Variants in ZSWIM6 observed in about 807,000 individuals in gnomAD.
ZSWIM6 encodes zinc finger SWIM-type containing 6, also known as zinc finger SWIM domain-containing protein 6.
A neutral mutation model predicts 113.2 loss-of-function variants in ZSWIM6; 9 were observed. That is an observed-to-expected ratio of 0.08 (90% CI 0.05 to 0.14). ZSWIM6 has a LOEUF of 0.14. Among genes scored for constraint, ZSWIM6 ranks in the 10% least tolerant of loss-of-function variants. ZSWIM6 has a pLI of 1.00. For synonymous variants in ZSWIM6, 611 were observed against 606.5 expected, an observed-to-expected ratio of 1.01 and a Z score of -0.11; for missense variants, 1,162 against 1,552.2, an observed-to-expected ratio of 0.75 and a Z score of 4.22.
rs550104532 is a variant in ZSWIM6 at position 61,519,961 on chromosome 5, T to C, written c.1334-1302T>C. On this transcript the variant is annotated intron_variant, in intron 4 of 13. Coordinates refer to ENST00000252744, the MANE Select transcript of ZSWIM6 (RefSeq NM_020928.2). ...TATTTGTGTTCCTATGAGAATCTAA[T>C]GCCACCGCTGATCTGACAGGAGGCA... Among the ~76,000 whole-genome samples the C allele has an allele frequency of 1.8e-4, 27 of 152,278 alleles. No homozygotes were observed. In the South Asian group the frequency reaches 4.6e-3, roughly 26 times the overall value.
intron 1 of ZSWIM6, among the ~76,000 whole-genome samples, chr5:61,449,183 T>C (rs1442766498): frequency 6.6e-6 from 1 of 152,226 alleles, no homozygotes; most frequent in Non-Finnish European, 1.5e-5. Context: ...CCCACTATTT[T>C]ATAATTACAT....
chr5:61,341,499 A>G (rs1455334664), intron 1 of ZSWIM6, among the ~76,000 whole-genome samples: 7 of 152,236 alleles, frequency 4.6e-5, no homozygotes, highest in African/African-American at 1.2e-4. Flanking sequence ...CAATTAGCCT[A>G]TGATAAATTG....
intron 1 of ZSWIM6, among the ~76,000 whole-genome samples, chr5:61,337,240 C>G (rs1744419290): frequency 6.6e-6 from 1 of 152,106 alleles, no homozygotes; most frequent in Non-Finnish European, 1.5e-5. Flanking sequence ...GATTGCACCA[C>G]TGCGCTTCAG....
At chr5:61,443,269 G>A (rs1057053680) in intron 1 of ZSWIM6, among the ~76,000 whole-genome samples, 2 of 152,132 alleles carry the variant, frequency 1.3e-5, no homozygotes, top group African/African-American at 4.8e-5. Context: ...AGGAAATCTG[G>A]TTATTTCTGT....
At chr5:61,432,371 CA>C (rs1000626843) in intron 1 of ZSWIM6, among the ~76,000 whole-genome samples, 1 of 152,162 alleles carries the variant, frequency 6.6e-6, no homozygotes, top group African/African-American at 2.4e-5. Context: ...GAAAGAAGAC[CA>C]AAAACAGTAG....
At chr5:61,450,785 G>T (rs552764663) in intron 1 of ZSWIM6, among the ~76,000 whole-genome samples, 21 of 152,252 alleles carry the variant, frequency 1.4e-4, no homozygotes, top group African/African-American at 4.8e-4. Context: ...AAAGCTTGTG[G>T]CAGGGATAAG....
At chr5:61,508,008 A>G (rs1448273511) in intron 4 of ZSWIM6, among the ~76,000 whole-genome samples, 1 of 152,168 alleles carries the variant, frequency 6.6e-6, no homozygotes, top group Admixed American at 6.5e-5. Flanking sequence ...GGGAACATGA[A>G]TCTTAGACCA....
At chr5:61,488,071 T>C (rs1471680227) in intron 2 of ZSWIM6, among the ~76,000 whole-genome samples, 4 of 151,960 alleles carry the variant, frequency 2.6e-5, no homozygotes, top group Admixed American at 2.0e-4. Context: ...TTGCTGAGGG[T>C]TTTTTATCGT....
At chr5:61,468,408 CAAAT>C (rs992883151) in intron 1 of ZSWIM6, among the ~76,000 whole-genome samples, 2 of 152,150 alleles carry the variant, frequency 1.3e-5, no homozygotes, top group African/African-American at 2.4e-5. Flanking sequence ...TTTATAAAGT[CAAAT>C]AAATATTTTA....
intron 1 of ZSWIM6, among the ~76,000 whole-genome samples, chr5:61,439,927 T>C (rs1397591194): frequency 6.6e-6 from 1 of 152,182 alleles, no homozygotes; most frequent in Non-Finnish European, 1.5e-5. Context: ...TGTATGTTGC[T>C]AATATGTAGT....
chr5:61,333,158 G>T (rs1459556384), intron 1 of ZSWIM6, among the ~76,000 whole-genome samples: 1 of 151,840 alleles, frequency 6.6e-6, no homozygotes, highest in Non-Finnish European at 1.5e-5. Context: ...GGGCCAGCGC[G>T]AGTGGGAAAT....
At chr5:61,482,164 T>C (rs1261686865) in intron 2 of ZSWIM6, among the ~76,000 whole-genome samples, 2 of 152,224 alleles carry the variant, frequency 1.3e-5, no homozygotes, top group Non-Finnish European at 2.9e-5. Flanking sequence ...ATTTTGCAAA[T>C]CTTACATTTT....
At chr5:61,534,486 T>G (rs928282185) in intron 9 of ZSWIM6, among the ~76,000 whole-genome samples, 1 of 152,230 alleles carries the variant, frequency 6.6e-6, no homozygotes, top group Non-Finnish European at 1.5e-5. Flanking sequence ...ACACTGGTTT[T>G]TCTCATGGAA....
intron 1 of ZSWIM6, among the ~76,000 whole-genome samples, chr5:61,408,710 T>G (rs1181049305): frequency 6.6e-6 from 1 of 152,238 alleles, no homozygotes; most frequent in African/African-American, 2.4e-5. Context: ...AGGAAGTGCA[T>G]TACAAAATGC....
chr5:61,333,510 C>T (rs900463637), intron 1 of ZSWIM6, among the ~76,000 whole-genome samples: 4 of 152,010 alleles, frequency 2.6e-5, no homozygotes, highest in African/African-American at 7.2e-5. Context: ...GCCGCCGCTC[C>T]TCCCAGGGCT....
At chr5:61,333,857 G>C (rs987502640) in intron 1 of ZSWIM6, among the ~76,000 whole-genome samples, 1 of 152,092 alleles carries the variant, frequency 6.6e-6, no homozygotes, top group Non-Finnish European at 1.5e-5. Context: ...GTGGTGCCCC[G>C]GGCGAGCCGC....
At chr5:61,352,591 T>G (rs1554030070) in intron 1 of ZSWIM6, among the ~76,000 whole-genome samples, 1 of 152,266 alleles carries the variant, frequency 6.6e-6, no homozygotes, top group Non-Finnish European at 1.5e-5. Flanking sequence ...TTTGTGTGTT[T>G]GGCTACTTTG....
chr5:61,370,335 T>C (rs1345738129), intron 1 of ZSWIM6, among the ~76,000 whole-genome samples: 4 of 152,214 alleles, frequency 2.6e-5, no homozygotes, highest in Non-Finnish European at 5.9e-5. Flanking sequence ...ATGGGAAAAG[T>C]CATTCTATAC....
rs1260831217 is a variant in ZSWIM6, at chr5:61,526,301, A to T, written c.1742A>T (p.Tyr581Phe). Residue 581 changes from tyrosine to phenylalanine, a missense_variant, in exon 7 of 14, where the codon TAC becomes TTC. This residue lies in a region of ZSWIM6 where 620 missense variants were observed against 804.6 expected (regional missense o/e 0.77). Coordinates refer to ENST00000252744, the MANE Select transcript of ZSWIM6 (RefSeq NM_020928.2). ...GTGGACGCATTACGTTCTCATGGGT[A>T]CCCCAGAGAAGCACTGAGACTAGCA... Reference protein sequence around the residue: ...ARVDALRSHGYPREALRLAIA... With the variant: ...ARVDALRSHGFPREALRLAIA... 6.4e-7 allele frequency: 1 copy of T among 1,551,940 alleles called. No individual in the cohort carries two copies. The highest frequency in any genetic ancestry group is 1.2e-5 in the South Asian group (1 of 84,056).
Sources: gnomAD v4.1 joint callset for allele counts (sites outside exome capture counted in the v4.1 genomes callset) on GRCh38, gnomAD v4.1.1 for gene constraint, gnomAD v4.1.1 regional missense constraint, MANE v1.5 for transcripts, NCBI Gene and HGNC (gene_info 2026-07-23, HGNC 2026-07-21) for gene names.